Variants in POC1A observed in about 807,000 individuals in gnomAD.
The protein encoded by POC1A is POC1 centriolar protein homolog A.
In POC1A, 34 loss-of-function variants were observed where a neutral mutation model predicts 47.8. The observed-to-expected ratio is 0.71, with a 90% CI of 0.54 to 0.95. The LOEUF (loss-of-function observed/expected upper bound fraction) is 0.95. Among genes scored for constraint, POC1A ranks in the 40% least tolerant of loss-of-function variants. The pLI, the probability that POC1A is intolerant of heterozygous loss-of-function variation, is 0.00. For synonymous variants in POC1A, 177 were observed against 207.6 expected (o/e 0.85, Z 1.27); for missense variants, 466 against 528.3 (o/e 0.88, Z 1.16).
Position 52,149,253 on chromosome 3 carries a change from G to A in POC1A, c.412C>T (p.Leu138=), listed in dbSNP as rs571532003. The A allele has an allele frequency of 4.3e-5, 69 of 1,614,190 alleles. 1 individual carries two copies. The South Asian group carries it at 7.0e-4, about 16-fold the overall frequency. The change falls in exon 4 of 11, where the codon CTG becomes TTG. Residue 138 remains leucine (L), a synonymous_variant. Transcript: ENST00000296484. ...KVWATHRQKF[L]FSLSQHINWV... ...TTGATATGCTGGCTCAGGGAGAACA[G>A]GAATTTCTGGCGATGAGTTGCCCAC...
chr3:52,092,777 G>A (rs2106960286), intron 10 of POC1A, among the ~76,000 whole-genome samples: 1 of 152,246 alleles, frequency 6.6e-6, no homozygotes, highest in East Asian at 1.9e-4. Context: ...TTATAAAAAA[G>A]GCTTTCATAA....
chr3:52,132,729 TC>T (rs926011807), intron 7 of POC1A, among the ~76,000 whole-genome samples: 3 of 151,988 alleles, frequency 2.0e-5, no homozygotes, highest in Non-Finnish European at 4.4e-5. Flanking sequence ...AATGTTTTTG[TC>T]CCCAACAAAA....
At chr3:52,114,411 T>C (rs1411180490) in intron 9 of POC1A, among the ~76,000 whole-genome samples, 1 of 152,110 alleles carries the variant, frequency 6.6e-6, no homozygotes, top group East Asian at 1.9e-4. Context: ...TGACAGAGCA[T>C]TGTGGGAATG....
intron 10 of POC1A, among the ~76,000 whole-genome samples, chr3:52,082,136 A>G (rs1702315964): frequency 6.6e-6 from 1 of 151,768 alleles, no homozygotes; most frequent in Admixed American, 6.6e-5. Context: ...TAAGACTGGG[A>G]TTACTGAGGA....
intron 10 of POC1A, among the ~76,000 whole-genome samples, chr3:52,094,062 G>A (rs1702727806): frequency 6.6e-6 from 1 of 152,218 alleles, no homozygotes. Flanking sequence ...CCTCTCAAAG[G>A]CCACTCTGAA....
chr3:52,128,552 G>A (rs1385330046), intron 7 of POC1A, among the ~76,000 whole-genome samples: 2 of 152,162 alleles, frequency 1.3e-5, no homozygotes, highest in African/African-American at 4.8e-5. Flanking sequence ...GCAGCCCAGG[G>A]CACTCAGAGG....
chr3:52,144,862 G>GGT (rs138193919), intron 6 of POC1A, among the ~76,000 whole-genome samples: 1 of 152,132 alleles, frequency 6.6e-6, no homozygotes, highest in Non-Finnish European at 1.5e-5. Context: ...AGCTAGGAAG[G>GGT]GTGTGTGTGT....
At position 52,149,889 on chromosome 3, in the gene POC1A, T is replaced by G. The variant is rs1291238124; in HGVS notation, c.202A>C (p.Asn68His). 1 of 1,613,886 alleles carries G rather than the reference T, an allele frequency of 6.2e-7. No individual in the cohort carries two copies. Among genetic ancestry groups the G allele is most frequent in the Admixed American group, 1.7e-5 (1 of 60,022 alleles). The change falls in exon 3 of 11, where the codon AAC becomes CAC. Residue 68 changes from asparagine to histidine, a missense_variant. By Grantham distance (68) the Asn-to-His change is moderately conservative. Coordinates refer to ENST00000296484, the MANE Select transcript of POC1A (RefSeq NM_015426.5). ...TGHKDAVTCV[N>H]FSPSGHLLAS... ...AGCAGGTGTCCCGAAGGAGAGAAGT[T>G]CACACAGGTGACGGCATCCTTGTGG...
At chr3:52,150,932 G>A in intron 2 of POC1A, 84 bp downstream of exon 2, 1 of 1,243,062 alleles carries the variant, frequency 8.0e-7, no homozygotes, top group East Asian at 2.3e-5. Flanking sequence ...CTTGTGCTCT[G>A]CTTCCCACCC....
chr3:52,138,394 G>A (rs1698060178), intron 6 of POC1A, 92 bp from the exon 7 acceptor site: 21 of 1,342,622 alleles, frequency 1.6e-5, no homozygotes, highest in Non-Finnish European at 2.1e-5. Flanking sequence ...TCGAGGCTCA[G>A]CACAGGCCTG....
At chr3:52,116,113 T>C (rs895847213) in intron 9 of POC1A, among the ~76,000 whole-genome samples, 3 of 152,176 alleles carry the variant, frequency 2.0e-5, no homozygotes, top group African/African-American at 7.2e-5. Context: ...GCAAGGCACC[T>C]GGAGTGAGAA....
rs781720747 is a variant in POC1A, at chr3:52,149,772, A to C, written c.275+44T>G. 2.5e-5 allele frequency: 40 copies of C among 1,570,384 alleles called. No individual in the cohort carries two copies. The South Asian group carries it at 4.4e-4, about 17-fold the overall frequency. ...CCTGGGTGGGGATGGCTCTGGCACC[A>C]GGGCCCCAGACTCCAACAAGCCTCC... On this transcript the variant is annotated intron_variant, in intron 3 of 10. Transcript: ENST00000296484.
chr3:52,138,574 G>A (rs985648844), intron 6 of POC1A, among the ~76,000 whole-genome samples: 6 of 152,194 alleles, frequency 3.9e-5, no homozygotes, highest in Non-Finnish European at 5.9e-5. Flanking sequence ...GGCAGCAGAC[G>A]ATTCCTCCAT....
intron 8 of POC1A, among the ~76,000 whole-genome samples, chr3:52,124,432 G>A (rs1333374500): frequency 6.6e-6 from 1 of 152,250 alleles, no homozygotes; most frequent in African/African-American, 2.4e-5. Flanking sequence ...CCTCAGAGCA[G>A]AGGGTGACAA....
In POC1A at chr3:52,090,761, G is replaced by A. The variant is rs1230695009; in HGVS notation, c.1125+5808C>T. ...AGGGTCAGGCCCAGGGCCTCTGCTT[G>A]CACACCTACTGAGCGCCCATCCCTG... On this transcript the variant is annotated intron_variant, in intron 10 of 10. Transcript: ENST00000296484. The surrounding 1 kb of genome is among the most constrained non-coding windows in gnomAD (Gnocchi z 4.2). Among the ~76,000 whole-genome samples the A allele has an allele frequency of 6.6e-6, 1 of 152,166 alleles. No homozygotes were observed. The highest frequency in any genetic ancestry group is 6.5e-5 in the Admixed American group (1 of 15,280).
At chr3:52,105,865 AT>A (rs1422913105) in intron 9 of POC1A, among the ~76,000 whole-genome samples, 1 of 152,196 alleles carries the variant, frequency 6.6e-6, no homozygotes, top group Non-Finnish European at 1.5e-5. Flanking sequence ...CACATTCCCC[AT>A]GCCAGACTGC....
At chr3:52,131,321 G>A (rs1034265752) in intron 7 of POC1A, among the ~76,000 whole-genome samples, 5 of 152,188 alleles carry the variant, frequency 3.3e-5, no homozygotes, top group African/African-American at 1.2e-4. Context: ...GTAGTTGGTA[G>A]GGAAGCCCTT....
At chr3:52,130,196 T>C (rs745709714) in intron 7 of POC1A, among the ~76,000 whole-genome samples, 10 of 152,172 alleles carry the variant, frequency 6.6e-5, no homozygotes, top group Non-Finnish European at 1.2e-4. Context: ...AGTGAACAAA[T>C]AGGATTGTCA....
At chr3:52,150,075 G>T (rs897606368) in intron 2 of POC1A, 88 bp from the exon 3 acceptor site, 1 of 1,104,664 alleles carries the variant, frequency 9.1e-7, no homozygotes, top group Non-Finnish European at 1.3e-6. Context: ...GGAGCAACTG[G>T]CCCAGCTCCA....
Sources: gnomAD v4.1 joint callset for allele counts (sites outside exome capture counted in the v4.1 genomes callset) on GRCh38, gnomAD v4.1.1 for gene constraint, Gnocchi (gnomAD v3.1) non-coding constraint, MANE v1.5 for transcripts, NCBI Gene and HGNC (gene_info 2026-07-23, HGNC 2026-07-21) for gene names.